The following DLG2 variants were observed in gnomAD, a reference collection of about 807,000 sequenced individuals.
The protein encoded by DLG2 is discs large MAGUK scaffold protein 2.
A neutral mutation model predicts 132.5 loss-of-function variants in DLG2; 45 were observed. The observed-to-expected ratio is 0.34, with a 90% CI of 0.27 to 0.44. The LOEUF (loss-of-function observed/expected upper bound fraction) is 0.44. DLG2 is among the 20% of genes least tolerant of loss of function. DLG2 has a pLI of 1.00. For synonymous variants in DLG2, 424 were observed against 419.6 expected, an observed-to-expected ratio of 1.01 and a Z score of -0.13; for missense variants, 1,045 against 1,196.9, an observed-to-expected ratio of 0.87 and a Z score of 1.87.
intron 6 of DLG2, among the ~76,000 whole-genome samples, chr11:84,825,561 A>G (rs969645451): frequency 2.0e-5 from 3 of 151,844 alleles, no homozygotes; most frequent in Non-Finnish European, 4.4e-5. Context: ...TGGTGTTTAT[A>G]TTGCTATTTC....
rs3068389 is a variant in DLG2 at position 85,583,088 on chromosome 11, A to ATGTGTG, written c.40+15563_40+15568dup. Among the ~76,000 whole-genome samples the ATGTGTG allele has an allele frequency of 6.8e-3, 202 of 29,810 alleles. 6 individuals are homozygous for ATGTGTG. The highest frequency in any genetic ancestry group is 9.3e-3 in the African/African-American group (72 of 7,732). The allele number at this position is 29,810 out of a possible 152,430, so 19.6% of individuals were successfully genotyped here. On this transcript the variant is annotated intron_variant, in intron 3 of 27. Transcript: ENST00000376104. Reference sequence around the variant, plus strand: ...TATATATATATATATAATATATGTGATGTGTGTGTGTGTGTGTGTGTGTGT... The same window carrying ATGTGTG: ...TATATATATATATATAATATATGTGATGTGTGTGTGTGTGTGTGTGTGTGTGTGTGT...
At chr11:83,859,172 G>A (rs2061024819) in intron 16 of DLG2, among the ~76,000 whole-genome samples, 1 of 152,168 alleles carries the variant, frequency 6.6e-6, no homozygotes, top group Non-Finnish European at 1.5e-5. Context: ...ACAGTAAATT[G>A]GTTTGGGGAG....
intron 6 of DLG2, among the ~76,000 whole-genome samples, chr11:84,766,493 C>A (rs1050025586): frequency 3.9e-5 from 6 of 152,048 alleles, no homozygotes; most frequent in Non-Finnish European, 7.4e-5. Flanking sequence ...GCTTAGAACA[C>A]CACTTTGTTA....
chr11:84,561,784 A>G (rs2099429206), intron 6 of DLG2, among the ~76,000 whole-genome samples: 1 of 152,192 alleles, frequency 6.6e-6, no homozygotes, highest in Non-Finnish European at 1.5e-5. Flanking sequence ...GTTAATAAGT[A>G]TCTAGAATAG....
chr11:84,757,324 G>A (rs555548569), intron 6 of DLG2, among the ~76,000 whole-genome samples: 6 of 151,964 alleles, frequency 3.9e-5, no homozygotes, highest in African/African-American at 1.4e-4. Context: ...TATCTTGTAT[G>A]TTTTTGGTTT....
At chr11:84,968,951 C>A (rs2053684914) in intron 6 of DLG2, among the ~76,000 whole-genome samples, 1 of 151,890 alleles carries the variant, frequency 6.6e-6, no homozygotes, top group Non-Finnish European at 1.5e-5. Flanking sequence ...AAAAATAGTT[C>A]TCTGCTGGAG....
chr11:85,611,988 G>C (rs955292804), intron 2 of DLG2, among the ~76,000 whole-genome samples: 1 of 152,092 alleles, frequency 6.6e-6, no homozygotes, highest in African/African-American at 2.4e-5. Context: ...AAGTCAAAGA[G>C]AGAGACAGAG....
At chr11:84,102,669 T>C (rs754530181) in intron 9 of DLG2, among the ~76,000 whole-genome samples, 4 of 152,026 alleles carry the variant, frequency 2.6e-5, no homozygotes, top group Non-Finnish European at 4.4e-5. Context: ...TATTGAAAGG[T>C]TAAACTGGAT....
chr11:83,980,273 A>T (rs560826532), intron 12 of DLG2, among the ~76,000 whole-genome samples: 1 of 152,316 alleles, frequency 6.6e-6, no homozygotes, highest in East Asian at 1.9e-4. Context: ...ATGTGAGGAC[A>T]CAGTGAGAAG....
At position 85,521,059 on chromosome 11, in the gene DLG2, TAAAC is replaced by T. The variant is rs796458101; in HGVS notation, c.40+77594_40+77597del. ...AGTTTCCGCATAGCAAAGAAACTAA[TAAAC>T]AAAGTGAAGAGACAACCAACATAAT... On this transcript the variant is annotated intron_variant, in intron 3 of 27. Transcript: ENST00000376104. Among the ~76,000 whole-genome samples the T allele has an allele frequency of 2.6e-5, 4 of 152,176 alleles. No homozygotes were observed. In the South Asian group the frequency reaches 8.3e-4, roughly 32 times the overall value.
chr11:85,356,228 A>G (rs552892107), intron 3 of DLG2, among the ~76,000 whole-genome samples: 1 of 152,310 alleles, frequency 6.6e-6, no homozygotes, highest in African/African-American at 2.4e-5. Flanking sequence ...GCTCATAGTA[A>G]TTCCATATTC....
intron 7 of DLG2, among the ~76,000 whole-genome samples, chr11:84,321,235 T>C (rs893121556): frequency 1.3e-5 from 2 of 152,174 alleles, no homozygotes; most frequent in Admixed American, 1.3e-4. Flanking sequence ...TGATGACCAC[T>C]GTGATGTCTA....
At chr11:83,863,667 A>G (rs1382225363) in intron 16 of DLG2, among the ~76,000 whole-genome samples, 1 of 152,092 alleles carries the variant, frequency 6.6e-6, no homozygotes, top group East Asian at 1.9e-4. Context: ...ATAAACTGTC[A>G]AAAAAATCCT....
chr11:84,745,576 G>C (rs1334674524), intron 6 of DLG2, among the ~76,000 whole-genome samples: 3 of 152,080 alleles, frequency 2.0e-5, no homozygotes, highest in African/African-American at 7.2e-5. Context: ...AGCAATATGA[G>C]AATGGCCTAA....
intron 7 of DLG2, among the ~76,000 whole-genome samples, chr11:84,287,599 G>T (rs747138751): frequency 7.2e-5 from 11 of 151,980 alleles, no homozygotes; most frequent in Non-Finnish European, 1.5e-4. Context: ...GGTAGCAGCT[G>T]CATGTTTTAG....
intron 7 of DLG2, among the ~76,000 whole-genome samples, chr11:84,256,572 A>C (rs1171133073): frequency 9.2e-5 from 14 of 152,212 alleles, no homozygotes. Flanking sequence ...AAGGCAGGTG[A>C]TTGTCATTAC....
intron 7 of DLG2, among the ~76,000 whole-genome samples, chr11:84,395,373 C>A (rs911672301): frequency 6.6e-6 from 1 of 152,050 alleles, no homozygotes; most frequent in Admixed American, 6.6e-5. Flanking sequence ...TAGTGCGACA[C>A]CAACCCTCTG....
chr11:85,554,409 GA>G lies in DLG2; in HGVS notation c.40+44247del, dbSNP rs538530672. On this transcript the variant is annotated intron_variant, in intron 3 of 27. Coordinates refer to ENST00000376104, the MANE Select transcript of DLG2 (RefSeq NM_001142699.3). ...AACAGACAGGCTGGGCAAGTTGCTG[GA>G]AAAAATATAATTGAAATTGCCTTAG... 4.9e-4 allele frequency among the ~76,000 whole-genome samples: 75 copies of G among 151,918 alleles called. 4 individuals are homozygous for G. Among genetic ancestry groups the G allele is most frequent in the African/African-American group, 1.6e-3 (68 of 41,520 alleles).
chr11:85,401,822 T>C (rs1037136434), intron 3 of DLG2, among the ~76,000 whole-genome samples: 14 of 152,032 alleles, frequency 9.2e-5, no homozygotes, highest in African/African-American at 3.1e-4. Flanking sequence ...ACAAACCCAC[T>C]TCTCAATGAA....
Sources: gnomAD v4.1 joint callset for allele counts (sites outside exome capture counted in the v4.1 genomes callset) on GRCh38, gnomAD v4.1.1 for gene constraint, MANE v1.5 for transcripts, NCBI Gene and HGNC (gene_info 2026-07-23, HGNC 2026-07-21) for gene names.